Variants in PHF21A observed in about 807,000 individuals in gnomAD.
PHF21A encodes the protein PHD finger protein 21A.
Under a neutral mutation model 82.5 loss-of-function variants are expected in PHF21A, and 11 were observed. The observed-to-expected ratio is 0.13, with a 90% CI of 0.08 to 0.22. The LOEUF (loss-of-function observed/expected upper bound fraction) is 0.22, where lower values mean the gene tolerates loss of function less well. Among genes scored for constraint, PHF21A ranks in the 10% least tolerant of loss-of-function variants. The pLI is 1.00. For synonymous variants in PHF21A, 297 were observed against 302.8 expected, an observed-to-expected ratio of 0.98 and a Z score of 0.20; for missense variants, 579 against 837.8, an observed-to-expected ratio of 0.69 and a Z score of 3.81.
At chr11:45,943,622 T>C (rs1400517545) in intron 15 of PHF21A, among the ~76,000 whole-genome samples, 1 of 152,208 alleles carries the variant, frequency 6.6e-6, no homozygotes, top group African/African-American at 2.4e-5. Flanking sequence ...TTTGCATACA[T>C]CTTAAAAATA....
intron 4 of PHF21A, among the ~76,000 whole-genome samples, chr11:46,079,494 T>C (rs2096764492): frequency 6.6e-6 from 1 of 152,210 alleles, no homozygotes; most frequent in South Asian, 2.1e-4. Flanking sequence ...ATGTTGTCAA[T>C]GTCTAGAGTC....
chr11:46,082,471 G>A (rs1211310679), intron 4 of PHF21A, among the ~76,000 whole-genome samples: 1 of 152,100 alleles, frequency 6.6e-6, no homozygotes, highest in African/African-American at 2.4e-5. Flanking sequence ...GATATAACTG[G>A]AGTGAAATAT....
intron 6 of PHF21A, among the ~76,000 whole-genome samples, chr11:46,073,829 T>G (rs1485797665): frequency 1.3e-5 from 2 of 152,192 alleles, no homozygotes; most frequent in Admixed American, 6.5e-5. Flanking sequence ...AGCCACAAAT[T>G]GAAGCCCTGC....
At chr11:45,962,032 T>G (rs1309877455) in intron 10 of PHF21A, among the ~76,000 whole-genome samples, 1 of 152,180 alleles carries the variant, frequency 6.6e-6, no homozygotes, top group African/African-American at 2.4e-5. Flanking sequence ...TAACTGGCAT[T>G]GCCTTCTCCC....
intron 1 of PHF21A, among the ~76,000 whole-genome samples, chr11:46,104,091 CA>C (rs1406929854): frequency 6.6e-6 from 1 of 152,026 alleles, no homozygotes; most frequent in Non-Finnish European, 1.5e-5. Flanking sequence ...CATCAGGCAC[CA>C]AATGAGAGGA....
chr11:46,074,814 TCTAAA>T (rs1394422867), intron 6 of PHF21A, among the ~76,000 whole-genome samples: 2 of 152,224 alleles, frequency 1.3e-5, no homozygotes, highest in African/African-American at 2.4e-5. Flanking sequence ...ATAAAACTAT[TCTAAA>T]CTAAAGAGTA....
At chr11:45,966,682 C>T (rs193297446) in intron 9 of PHF21A, among the ~76,000 whole-genome samples, 2 of 152,186 alleles carry the variant, frequency 1.3e-5, no homozygotes, top group Non-Finnish European at 2.9e-5. Flanking sequence ...TGCAGTGGCG[C>T]GACCTCGGCT....
intron 3 of PHF21A, among the ~76,000 whole-genome samples, chr11:46,085,804 C>G (rs2096849766): frequency 6.6e-6 from 1 of 152,030 alleles, no homozygotes; most frequent in Non-Finnish European, 1.5e-5. Flanking sequence ...GAATCATTAA[C>G]TAGGGAGTAT....
chr11:46,034,472 G>A (rs1380198725), intron 6 of PHF21A, among the ~76,000 whole-genome samples: 1 of 151,964 alleles, frequency 6.6e-6, no homozygotes, highest in African/African-American at 2.4e-5. Flanking sequence ...ATCATACTAA[G>A]GAAGGTCTTC....
Position 46,084,156 on chromosome 11 carries a change from T to C in PHF21A, c.54+10A>G. 1 of 1,591,236 alleles carries C rather than the reference T, an allele frequency of 6.3e-7. No individual in the cohort carries two copies. The highest frequency in any genetic ancestry group is 8.6e-7 in the Non-Finnish European group (1 of 1,169,174). ...ACAACAGTGTGGGAGAAGCCAATAATACAACTTACCTGGTGAACCTGAATT... is the reference window on the plus strand; with the variant it reads ...ACAACAGTGTGGGAGAAGCCAATAACACAACTTACCTGGTGAACCTGAATT... On this transcript the variant is annotated intron_variant, in intron 4 of 18. Transcript: ENST00000676320.
intron 1 of PHF21A, among the ~76,000 whole-genome samples, chr11:46,108,774 T>A (rs1189866217): frequency 6.6e-6 from 1 of 152,174 alleles, no homozygotes; most frequent in Non-Finnish European, 1.5e-5. Flanking sequence ...AAGGACTGAC[T>A]GAAATAGTGA....
intron 9 of PHF21A, 74 bp downstream of exon 9, chr11:45,969,741 G>T: frequency 2.0e-6 from 2 of 983,442 alleles, no homozygotes. Flanking sequence ...CCCCATTACA[G>T]GCTACTTAGA....
chr11:45,938,706 T>A (rs2089698333), intron 15 of PHF21A, among the ~76,000 whole-genome samples: 1 of 152,196 alleles, frequency 6.6e-6, no homozygotes, highest in South Asian at 2.1e-4. Context: ...TATACTGTAA[T>A]AAAAGATGGG....
At chr11:46,017,886 C>T (rs2095548043) in intron 6 of PHF21A, among the ~76,000 whole-genome samples, 1 of 152,186 alleles carries the variant, frequency 6.6e-6, no homozygotes, top group Admixed American at 6.5e-5. Context: ...TCTGTAATCT[C>T]AATTGGAACA....
In PHF21A at chr11:45,935,097, C is replaced by G. The variant is rs534356772; in HGVS notation, c.1788+539G>C. The G allele has an allele frequency of 3.6e-5, 46 of 1,288,292 alleles. No individual in the cohort carries two copies. In the African/African-American group the frequency reaches 6.8e-4, roughly 19 times the overall value. The allele number at this position is 1,288,292 out of a possible 1,614,324, so 79.8% of individuals were successfully genotyped here. A position where few individuals can be genotyped will look rare whatever the true frequency, so the allele number is the denominator to read the frequency against. ...AATACAACCCTCTTTCCCACTTGGACAGGCCGGGCTGGGCAGTACTTACTT... is the reference window on the plus strand; with the variant it reads ...AATACAACCCTCTTTCCCACTTGGAGAGGCCGGGCTGGGCAGTACTTACTT... On this transcript the variant is annotated intron_variant, in intron 18 of 18. Transcript: ENST00000676320.
In PHF21A at chr11:45,930,907, C is replaced by G. The variant is rs530475936; in HGVS notation, c.*3061G>C. 1 of 149,652 alleles carries G rather than the reference C, an allele frequency of 6.7e-6. No individual in the cohort carries two copies. Among genetic ancestry groups the G allele is most frequent in the Non-Finnish European group, 1.5e-5 (1 of 67,148 alleles). The allele number at this position is 149,652 out of a possible 1,614,324, so 9.3% of individuals were successfully genotyped here. A position where few individuals can be genotyped will look rare whatever the true frequency, so the allele number is the denominator to read the frequency against. On this transcript the variant is annotated 3_prime_UTR_variant, in exon 19 of 19. Coordinates refer to ENST00000676320, the MANE Select transcript of PHF21A (RefSeq NM_001352027.3). Reference sequence around the variant, plus strand: ...GCGTATGTCTCAGGTGGTCACAGGCCCCCCCCCCTCCCCGCCCAGGTCTGA... The same window carrying G: ...GCGTATGTCTCAGGTGGTCACAGGCGCCCCCCCCTCCCCGCCCAGGTCTGA...
At position 45,975,575 on chromosome 11, in the gene PHF21A, A is replaced by C. The variant is rs373398246; in HGVS notation, c.360+4185T>G. Among the ~76,000 whole-genome samples the C allele has an allele frequency of 3.3e-5, 5 of 152,212 alleles. No homozygotes were observed. The East Asian group carries it at 7.7e-4, about 23-fold the overall frequency. On this transcript the variant is annotated intron_variant, in intron 7 of 18. Transcript: ENST00000676320. Reference sequence around the variant, plus strand: ...TTTTGTCTCCAAAGGTTTGTTTTCCATTTGGTTTTATTAACTGCTTTCTTC... The same window carrying C: ...TTTTGTCTCCAAAGGTTTGTTTTCCCTTTGGTTTTATTAACTGCTTTCTTC...
intron 10 of PHF21A, among the ~76,000 whole-genome samples, chr11:45,962,184 T>C (rs1408952211): frequency 2.0e-5 from 3 of 152,174 alleles, no homozygotes; most frequent in Non-Finnish European, 4.4e-5. Flanking sequence ...ACATGCAGCA[T>C]AGCAACTGGT....
intron 1 of PHF21A, among the ~76,000 whole-genome samples, chr11:46,106,984 C>T (rs1049010741): frequency 6.6e-6 from 1 of 152,164 alleles, no homozygotes; most frequent in African/African-American, 2.4e-5. Context: ...TTAAAAGTCC[C>T]ACACCTTTTA....
Sources: gnomAD v4.1 joint callset for allele counts (sites outside exome capture counted in the v4.1 genomes callset) on GRCh38, gnomAD v4.1.1 for gene constraint, MANE v1.5 for transcripts, NCBI Gene and HGNC (gene_info 2026-07-23, HGNC 2026-07-21) for gene names.